CBFA2T3: variants seen among roughly 807,000 people sequenced by gnomAD.
The protein encoded by CBFA2T3 is CBFA2/RUNX1 partner transcriptional co-repressor 3, also known as transcriptional corepressor CBFA2T3.
A neutral mutation model predicts 58.6 loss-of-function variants in CBFA2T3; 31 were observed. That is an observed-to-expected ratio of 0.53 (90% CI 0.40 to 0.71). The LOEUF (loss-of-function observed/expected upper bound fraction) is 0.71, where lower values mean the gene tolerates loss of function less well. CBFA2T3 is among the 30% of genes least tolerant of loss of function. The pLI, the probability that CBFA2T3 is intolerant of heterozygous loss-of-function variation, is 0.00. For missense variants in CBFA2T3, 1,076 were observed against 963.1 expected (o/e 1.12, Z -1.55); for synonymous variants, 531 against 421.9 (o/e 1.26, Z -3.17).
At chr16:88,947,497 T>A (rs991606929) in intron 1 of CBFA2T3, among the ~76,000 whole-genome samples, 2 of 152,270 alleles carry the variant, frequency 1.3e-5, no homozygotes, top group African/African-American at 4.8e-5. Context: ...AGTTGGAATG[T>A]CAAGATTTAA....
intron 1 of CBFA2T3, among the ~76,000 whole-genome samples, chr16:88,923,117 G>C (rs549664085): frequency 6.6e-6 from 1 of 152,244 alleles, no homozygotes; most frequent in African/African-American, 2.4e-5. Flanking sequence ...AATGTGGAGG[G>C]AGAGACGCGG....
rs1042310473 is a variant in CBFA2T3, at chr16:88,894,367, C to G, written c.380-1882G>C. Among the ~76,000 whole-genome samples the G allele has an allele frequency of 3.1e-5, 3 of 95,678 alleles. No individual in the cohort carries two copies. In the Admixed American group the frequency reaches 3.2e-4, roughly 10 times the overall value. 62.8% of individuals were successfully genotyped at this position (95,678 alleles called of 152,430 possible). ...ATGCACACACACATGCATACATATA[C>G]ACATGCACACAATGTACACACATGC... On this transcript the variant is annotated intron_variant, in intron 3 of 11. Transcript: ENST00000268679.
At position 88,911,202 on chromosome 16, in the gene CBFA2T3, G is replaced by A. The variant is rs117896577; in HGVS notation, c.152-9546C>T. 7.8e-3 allele frequency among the ~76,000 whole-genome samples: 1,184 copies of A among 152,340 alleles called. 21 individuals carry two copies. Among genetic ancestry groups the A allele is most frequent in the Admixed American group, 0.051 (779 of 15,298 alleles). On this transcript the variant is annotated intron_variant, in intron 1 of 11. Coordinates refer to ENST00000268679, the MANE Select transcript of CBFA2T3 (RefSeq NM_005187.6). ...CTCACTCACTCCTGCTGCCCTTCCCGCCGTGGACAGGAACAAGGGACCCTG... is the reference window on the plus strand; with the variant it reads ...CTCACTCACTCCTGCTGCCCTTCCCACCGTGGACAGGAACAAGGGACCCTG...
At chr16:88,956,067 CCCCCAGG>C (rs1187487921) in intron 1 of CBFA2T3, among the ~76,000 whole-genome samples, 3 of 152,278 alleles carry the variant, frequency 2.0e-5, no homozygotes, top group Non-Finnish European at 4.4e-5. Flanking sequence ...GGGCTGCCAA[CCCCCAGG>C]CCTGCCGAGT....
intron 3 of CBFA2T3, among the ~76,000 whole-genome samples, chr16:88,896,069 G>A (rs994808353): frequency 1.3e-5 from 2 of 152,202 alleles, no homozygotes; most frequent in East Asian, 1.9e-4. Context: ...GCCCCCCAGG[G>A]TTGCTCCATC....
At chr16:88,967,566 G>A (rs890871607) in intron 1 of CBFA2T3, among the ~76,000 whole-genome samples, 8 of 152,122 alleles carry the variant, frequency 5.3e-5, no homozygotes, top group East Asian at 1.9e-4. Context: ...CCATCTCGCC[G>A]CCCCCAGGTG....
chr16:88,910,607 G>C (rs1156768610), intron 1 of CBFA2T3, among the ~76,000 whole-genome samples: 1 of 152,240 alleles, frequency 6.6e-6, no homozygotes, highest in Non-Finnish European at 1.5e-5. Context: ...TGTGGGGTGA[G>C]CTGCGGATGG....
In CBFA2T3 at chr16:88,907,057, A is replaced by G. The variant is rs560207634; in HGVS notation, c.152-5401T>C. ...CGGAAGGACCATCTTTCAAACCCCA[A>G]GGGGTTTTCTTTCCAGAGCTCGAAG... On this transcript the variant is annotated intron_variant, in intron 1 of 11. Transcript: ENST00000268679. Among the ~76,000 whole-genome samples, 556 of 152,160 alleles carry G rather than the reference A, an allele frequency of 3.7e-3. 1 individual carries two copies. Among genetic ancestry groups the G allele is most frequent in the African/African-American group, 0.013 (533 of 41,536 alleles).
chr16:88,913,642 TG>T (rs775199023), intron 1 of CBFA2T3, among the ~76,000 whole-genome samples: 68 of 152,134 alleles, frequency 4.5e-4, no homozygotes, highest in Admixed American at 8.5e-4. Context: ...CATTCCTCCG[TG>T]GGGGGGTCTC....
At chr16:88,936,866 C>T (rs896591104) in intron 1 of CBFA2T3, 1 of 152,300 alleles carries the variant, frequency 6.6e-6, no homozygotes, top group African/African-American at 2.4e-5. Flanking sequence ...TCCCCAGCTC[C>T]CACCCTCGGG....
At chr16:88,951,142 C>A (rs1283768841) in intron 1 of CBFA2T3, 1 of 362,720 alleles carries the variant, frequency 2.8e-6, no homozygotes, top group Non-Finnish European at 5.5e-6. Context: ...CTGTTCACCC[C>A]TCCCCTGGAT....
At chr16:88,893,476 C>T (rs569341182) in intron 3 of CBFA2T3, among the ~76,000 whole-genome samples, 5 of 152,328 alleles carry the variant, frequency 3.3e-5, no homozygotes, top group African/African-American at 1.2e-4. Flanking sequence ...GCAATGCCTT[C>T]ATTTGCACAC....
intron 1 of CBFA2T3, among the ~76,000 whole-genome samples, chr16:88,915,954 G>T (rs1017209205): frequency 1.3e-5 from 2 of 152,126 alleles, no homozygotes; most frequent in Non-Finnish European, 2.9e-5. Context: ...ATGCATGAGT[G>T]TACGTGGGTG....
At chr16:88,893,876 G>A (rs1313469168) in intron 3 of CBFA2T3, among the ~76,000 whole-genome samples, 2 of 152,188 alleles carry the variant, frequency 1.3e-5, no homozygotes, top group East Asian at 1.9e-4. Flanking sequence ...CTTGGCCTCA[G>A]GAGCCTGAGG....
intron 5 of CBFA2T3, among the ~76,000 whole-genome samples, chr16:88,890,259 G>A (rs533216945): frequency 4.2e-4 from 64 of 152,308 alleles, no homozygotes; most frequent in African/African-American, 1.4e-3. Flanking sequence ...TCAACAGCCT[G>A]AGGATGATTC....
intron 1 of CBFA2T3, among the ~76,000 whole-genome samples, chr16:88,914,119 C>A (rs918844184): frequency 6.6e-6 from 1 of 152,254 alleles, no homozygotes; most frequent in African/African-American, 2.4e-5. Flanking sequence ...ACACTGCACA[C>A]GGTCTCACAA....
At chr16:88,928,793 G>A (rs1271917728) in intron 1 of CBFA2T3, among the ~76,000 whole-genome samples, 2 of 152,242 alleles carry the variant, frequency 1.3e-5, no homozygotes, top group South Asian at 2.1e-4. Flanking sequence ...GGAGAGGCAC[G>A]GGTGGGTGAC....
chr16:88,930,122 C>G (rs1208647851), intron 1 of CBFA2T3, among the ~76,000 whole-genome samples: 1 of 147,432 alleles, frequency 6.8e-6, no homozygotes, highest in African/African-American at 2.7e-5. Flanking sequence ...ATACCCAGAG[C>G]TGCATGGTCC....
At chr16:88,922,572 CCTCTCCT>C (rs1970956391) in intron 1 of CBFA2T3, among the ~76,000 whole-genome samples, 1 of 152,226 alleles carries the variant, frequency 6.6e-6, no homozygotes, top group African/African-American at 2.4e-5. Flanking sequence ...AAGCAGTCTG[CCTCTCCT>C]ATCCCACGCC....
Sources: allele counts gnomAD v4.1 joint callset (sites outside exome capture counted in the v4.1 genomes callset), GRCh38; gene constraint gnomAD v4.1.1; transcripts MANE v1.5; gene names NCBI Gene and HGNC (gene_info 2026-07-23, HGNC 2026-07-21).